Variants in SLC16A10 observed in about 807,000 individuals in gnomAD.
The protein encoded by SLC16A10 is solute carrier family 16 member 10.
In SLC16A10, 27 loss-of-function variants were observed where a neutral mutation model predicts 40.0. That is an observed-to-expected ratio of 0.67 (90% CI 0.50 to 0.93). The LOEUF (loss-of-function observed/expected upper bound fraction) is 0.93, where lower values mean the gene tolerates loss of function less well. SLC16A10 is among the 40% of genes least tolerant of loss of function. The probability of loss-of-function intolerance (pLI) is 0.00; values close to 1 mark genes in which losing one functional copy is unlikely to be tolerated. For synonymous variants in SLC16A10, 213 were observed against 249.8 expected, an observed-to-expected ratio of 0.85 and a Z score of 1.39; for missense variants, 529 against 658.2, an observed-to-expected ratio of 0.80 and a Z score of 2.15.
chr6:111,210,805 G>A (rs545876856), intron 4 of SLC16A10, among the ~76,000 whole-genome samples: 4 of 152,262 alleles, frequency 2.6e-5, no homozygotes, highest in African/African-American at 9.6e-5. Context: ...GAGAGGCCAA[G>A]GCTGGCGGAT....
rs189377338 is a variant in SLC16A10, at chr6:111,117,132, C to G, written c.343+29037C>G. ...TTGGGAGGCCGAGGTGGGTGGATAA[C>G]GAGGTCAGGAGATCGAGACCATCCT... On this transcript the variant is annotated intron_variant, in intron 1 of 5. Coordinates refer to ENST00000368851, the MANE Select transcript of SLC16A10 (RefSeq NM_018593.5). Among the ~76,000 whole-genome samples the G allele has an allele frequency of 1.7e-3, 265 of 151,892 alleles. 1 individual carries two copies. Among genetic ancestry groups the G allele is most frequent in the Middle Eastern group, 6.8e-3 (2 of 294 alleles).
chr6:111,098,647 G>A (rs1359540207), intron 1 of SLC16A10, among the ~76,000 whole-genome samples: 2 of 152,138 alleles, frequency 1.3e-5, no homozygotes, highest in East Asian at 3.8e-4. Flanking sequence ...AGGTTAGTCT[G>A]GAGACTGTTT....
At chr6:111,140,853 A>G (rs1333941415) in intron 1 of SLC16A10, among the ~76,000 whole-genome samples, 1 of 152,216 alleles carries the variant, frequency 6.6e-6, no homozygotes, top group South Asian at 2.1e-4. Context: ...TGATGCAATC[A>G]TGGTTCACTG....
chr6:111,101,306 A>C (rs1771184569), intron 1 of SLC16A10, among the ~76,000 whole-genome samples: 1 of 152,056 alleles, frequency 6.6e-6, no homozygotes, highest in Admixed American at 6.5e-5. Flanking sequence ...TGCTGGCATT[A>C]CAGGTCTGAG....
At chr6:111,161,570 A>C (rs1772372992) in intron 1 of SLC16A10, among the ~76,000 whole-genome samples, 1 of 152,108 alleles carries the variant, frequency 6.6e-6, no homozygotes, top group Non-Finnish European at 1.5e-5. Context: ...GGAAAATGGC[A>C]GTCAGATCTC....
rs1770904992 is a variant in SLC16A10 at position 111,088,161 on chromosome 6, G to C, written c.343+66G>C. On this transcript the variant is annotated intron_variant, in intron 1 of 5. Coordinates refer to ENST00000368851, the MANE Select transcript of SLC16A10 (RefSeq NM_018593.5). ...CGTGGGGCCCCCGAGCGCATCCCGC[G>C]TGTGGGCTGTGTCTGCCTCCGAGTG... is the stretch of plus-strand genomic sequence containing the variant. The C allele has an allele frequency of 3.4e-6, 5 of 1,488,330 alleles. No individual in the cohort carries two copies. In the African/African-American group the frequency reaches 4.3e-5, roughly 13 times the overall value. The allele number at this position is 1,488,330 out of a possible 1,614,324, so 92.2% of individuals were successfully genotyped here. A position where few individuals can be genotyped will look rare whatever the true frequency, so the allele number is the denominator to read the frequency against.
At chr6:111,128,571 ACT>A (rs1486203999) in intron 1 of SLC16A10, among the ~76,000 whole-genome samples, 1 of 152,096 alleles carries the variant, frequency 6.6e-6, no homozygotes, top group African/African-American at 2.4e-5. Flanking sequence ...ATAACACCAC[ACT>A]CTAAACATTT....
At chr6:111,118,420 G>C (rs1021157733) in intron 1 of SLC16A10, among the ~76,000 whole-genome samples, 1 of 152,114 alleles carries the variant, frequency 6.6e-6, no homozygotes, top group South Asian at 2.1e-4. Flanking sequence ...GGTGGCTCAC[G>C]CCTGTAATCC....
chr6:111,169,919 C>CTTTT (rs60561269), intron 1 of SLC16A10, among the ~76,000 whole-genome samples: 14,088 of 135,032 alleles, frequency 0.1, 1,168 homozygotes, highest in Non-Finnish European at 0.15. Context: ...TCTTTTCTTT[C>CTTTT]TTTTTTTTTT....
chr6:111,173,263 T>C (rs1158084533), intron 2 of SLC16A10, among the ~76,000 whole-genome samples: 1 of 152,208 alleles, frequency 6.6e-6, no homozygotes, highest in Non-Finnish European at 1.5e-5. Context: ...TGATATGAAA[T>C]ATTTTTGTTA....
In SLC16A10 at chr6:111,087,820, C is replaced by T. The variant is rs918679042; in HGVS notation, c.68C>T (p.Ala23Val). 9.0e-6 allele frequency: 12 copies of T among 1,332,684 alleles called. No individual in the cohort carries two copies. In the African/African-American group the frequency reaches 1.9e-4, roughly 21 times the overall value. The allele number at this position is 1,332,684 out of a possible 1,614,324, so 82.6% of individuals were successfully genotyped here. Residue 23 changes from alanine (A) to valine (V), a missense_variant, in exon 1 of 6, where the codon GCG (alanine) becomes GTG (valine). By Grantham distance (64) the Ala-to-Val change is moderately conservative (BLOSUM62 0). Transcript: ENST00000368851. ...AGCGAGGCGCAGCCGCTCGGCCCCG[C>T]GCCCACGGGGGCCGCTCCGCCGCCC... ...GTSEAQPLGP[A>V]PTGAAPPPGP...
chr6:111,137,311 C>A (rs921270789), intron 1 of SLC16A10, among the ~76,000 whole-genome samples: 5 of 152,214 alleles, frequency 3.3e-5, no homozygotes, highest in African/African-American at 1.2e-4. Context: ...ACTTAAAACC[C>A]TTCACTTAGG....
chr6:111,165,011 T>C (rs1477072738), intron 1 of SLC16A10, among the ~76,000 whole-genome samples: 2 of 152,216 alleles, frequency 1.3e-5, no homozygotes, highest in African/African-American at 4.8e-5. Flanking sequence ...TAATTAGAGC[T>C]CTTTTTTATA....
chr6:111,190,186 T>C (rs968259697), intron 3 of SLC16A10, among the ~76,000 whole-genome samples: 3 of 152,336 alleles, frequency 2.0e-5, no homozygotes, highest in Admixed American at 6.5e-5. Flanking sequence ...TGAAATCCAA[T>C]AGGGCAGTCA....
Position 111,177,420 on chromosome 6 carries a change from A to G in SLC16A10, c.697A>G (p.Thr233Ala). 1 of 1,614,022 alleles carries G rather than the reference A, an allele frequency of 6.2e-7. No homozygotes were observed. The highest frequency in any genetic ancestry group is 8.5e-7 in the Non-Finnish European group (1 of 1,179,984). Residue 233 changes from threonine (T) to alanine (A), a missense_variant, in exon 3 of 6, where the codon ACA becomes GCA. By Grantham distance (58) the Thr-to-Ala change is moderately conservative. Transcript: ENST00000368851. ...GATTGACAGCGTGGGCCTCTTTTACACATTGAGGGTGCTCTGCATCTTCAT... is the reference window on the plus strand; with the variant it reads ...GATTGACAGCGTGGGCCTCTTTTACGCATTGAGGGTGCTCTGCATCTTCAT... ...VLIDSVGLFY[T>A]LRVLCIFMFV...
At chr6:111,126,427 G>C (rs980006999) in intron 1 of SLC16A10, among the ~76,000 whole-genome samples, 1 of 152,082 alleles carries the variant, frequency 6.6e-6, no homozygotes, top group Non-Finnish European at 1.5e-5. Flanking sequence ...AGTTGCAGCT[G>C]AATGGTAAGT....
chr6:111,206,054 T>C (rs1488426821), intron 3 of SLC16A10, among the ~76,000 whole-genome samples: 1 of 151,922 alleles, frequency 6.6e-6, no homozygotes, highest in East Asian at 1.9e-4. Context: ...AACCCTTTGT[T>C]GAAAAATAAA....
rs527460216 is a variant in SLC16A10, at chr6:111,228,567, A to G, written c.*6332A>G. On this transcript the variant is annotated 3_prime_UTR_variant, in exon 6 of 6. Coordinates refer to ENST00000368851, the MANE Select transcript of SLC16A10 (RefSeq NM_018593.5). ...TTGGAGCCTGTGATGTATGACTTTT[A>G]TTCTTTACTAGATATTTTTCAGTAT... 2.0e-5 allele frequency: 3 copies of G among 152,336 alleles called. No individual in the cohort carries two copies. In the East Asian group the frequency reaches 5.8e-4, roughly 29 times the overall value. 9.4% of individuals were successfully genotyped at this position (152,336 alleles called of 1,614,324 possible).
At chr6:111,208,797 T>C (rs1773295463) in intron 4 of SLC16A10, among the ~76,000 whole-genome samples, 1 of 152,150 alleles carries the variant, frequency 6.6e-6, no homozygotes, top group Admixed American at 6.5e-5. Flanking sequence ...GCTACTGTGT[T>C]TCTTTGTGGG....
Sources: gnomAD v4.1 joint callset for allele counts (sites outside exome capture counted in the v4.1 genomes callset) on GRCh38, gnomAD v4.1.1 for gene constraint, MANE v1.5 for transcripts, NCBI Gene and HGNC (gene_info 2026-07-23, HGNC 2026-07-21) for gene names.